Variants in OTOF observed in about 807,000 individuals in gnomAD.
OTOF encodes fer-1-like family member 2.
OTOF carries 218 observed loss-of-function variants against 236.8 expected under a neutral mutation model. The observed-to-expected ratio is 0.92, with a 90% CI of 0.82 to 1.03. OTOF has a LOEUF of 1.03. OTOF is among the 50% of genes least tolerant of loss of function. OTOF has a pLI of 0.00. For missense variants in OTOF, 2,590 were observed against 2,694.4 expected, an observed-to-expected ratio of 0.96 and a Z score of 0.86; for synonymous variants, 1,041 against 1,072.5, an observed-to-expected ratio of 0.97 and a Z score of 0.57.
chr2:26,555,027 T>G lies in OTOF; in HGVS notation c.79+3466A>C, dbSNP rs545397681. Among the ~76,000 whole-genome samples the G allele has an allele frequency of 6.4e-4, 97 of 152,332 alleles. 2 individuals carry two copies. The South Asian group carries it at 0.02, about 31-fold the overall frequency. On this transcript the variant is annotated intron_variant, in intron 1 of 46. Transcript: ENST00000272371. Reference sequence around the variant, plus strand: ...CCTTACAGTCCAGGTCCCCCAGCCTTGGTGCTCAGCACTGGACAGAAGGTT... The same window carrying G: ...CCTTACAGTCCAGGTCCCCCAGCCTGGGTGCTCAGCACTGGACAGAAGGTT...
chr2:26,545,000 C>A (rs1667296513), intron 1 of OTOF, among the ~76,000 whole-genome samples: 1 of 151,270 alleles, frequency 6.6e-6, no homozygotes, highest in Non-Finnish European at 1.5e-5. Context: ...AAGATCACAC[C>A]ACTGCACTCC....
rs763971933 is a variant in OTOF, at chr2:26,510,700, C to T, written c.509+5718G>A. 7 of 1,288,920 alleles carry T rather than the reference C, an allele frequency of 5.4e-6. 1 individual carries two copies. The Middle Eastern group carries it at 6.4e-4, about 117-fold the overall frequency. 79.8% of individuals were successfully genotyped at this position (1,288,920 alleles called of 1,614,324 possible). A position where few individuals can be genotyped will look rare whatever the true frequency, so the allele number is the denominator to read the frequency against. On this transcript the variant is annotated intron_variant, in intron 5 of 46. Coordinates refer to ENST00000272371, the MANE Select transcript of OTOF (RefSeq NM_194248.3). ...GTTGCGTCTGCCCTCGCCTGGGACA[C>T]CTACTTGTGCTCGTCATCTCTGCCT...
chr2:26,537,177 C>A (rs796759388), intron 2 of OTOF, among the ~76,000 whole-genome samples: 1 of 152,220 alleles, frequency 6.6e-6, no homozygotes. Context: ...AAAATCCAGA[C>A]TGTCTTCTGT....
intron 1 of OTOF, 128 bp from the exon 2 acceptor site, chr2:26,537,902 C>T: frequency 1.4e-6 from 1 of 737,534 alleles, no homozygotes; most frequent in Non-Finnish European, 2.4e-6. Flanking sequence ...GACCTCGTGG[C>T]TTGCTCACCT....
intron 2 of OTOF, among the ~76,000 whole-genome samples, chr2:26,534,779 G>A (rs1667029501): frequency 6.8e-6 from 1 of 146,406 alleles, no homozygotes; most frequent in South Asian, 2.2e-4. Flanking sequence ...TAGGTCTCAT[G>A]ACTCCCAGGC....
chr2:26,472,921 C>T (rs1316451759), intron 29 of OTOF, among the ~76,000 whole-genome samples: 1 of 152,210 alleles, frequency 6.6e-6, no homozygotes, highest in Non-Finnish European at 1.5e-5. Flanking sequence ...CCTCAGGCCC[C>T]CCCAGGCTGT....
Position 26,460,676 on chromosome 2 carries a change from G to A in OTOF, c.5784C>T (p.Arg1928=), listed in dbSNP as rs759807152. ...EAEKNPVGLA[R]NEPDPLEKPN... is the part of the protein sequence containing the mutation. The stretch of plus-strand genomic sequence containing the variant: ...GTTTCTCTAGGGGGTCAGGTTCATT[G>A]CGGGCCAGGCCCACTGGGTTCTTCT... Residue 1928 remains arginine (R), a synonymous_variant, in exon 45 of 47, where the codon CGC becomes CGT. Coordinates refer to ENST00000272371, the MANE Select transcript of OTOF (RefSeq NM_194248.3). The surrounding 1 kb of genome is among the most constrained non-coding windows in gnomAD (Gnocchi z 5.3). 5.0e-6 allele frequency: 8 copies of A among 1,614,104 alleles called. No homozygotes were observed. The highest frequency in any genetic ancestry group is 6.8e-6 in the Non-Finnish European group (8 of 1,179,982).
At chr2:26,512,246 G>A (rs1666409935) in intron 5 of OTOF, among the ~76,000 whole-genome samples, 1 of 152,168 alleles carries the variant, frequency 6.6e-6, no homozygotes, top group South Asian at 2.1e-4. Context: ...GGACTCAGGA[G>A]GAAAGGCTCA....
At chr2:26,509,490 C>T (rs1030213838) in intron 5 of OTOF, among the ~76,000 whole-genome samples, 3 of 152,170 alleles carry the variant, frequency 2.0e-5, no homozygotes, top group Non-Finnish European at 2.9e-5. Context: ...TTTGCTTGTG[C>T]GTAACAAATG....
chr2:26,474,448 A>C (rs1393577223), intron 26 of OTOF, 65 bp downstream of exon 26: 4 of 511,942 alleles, frequency 7.8e-6, no homozygotes, highest in East Asian at 1.5e-4. Flanking sequence ...TCCAGCCCCC[A>C]GCCCTAGGCC....
chr2:26,469,302 T>C (rs1307713187), intron 32 of OTOF, among the ~76,000 whole-genome samples: 1 of 152,224 alleles, frequency 6.6e-6, no homozygotes, highest in Non-Finnish European at 1.5e-5. Context: ...TGGCAGTCTG[T>C]GAAAATTGCA....
intron 7 of OTOF, among the ~76,000 whole-genome samples, chr2:26,502,066 T>A (rs1666126846): frequency 6.6e-6 from 1 of 152,184 alleles, no homozygotes; most frequent in African/African-American, 2.4e-5. Context: ...TGTGGCTTCC[T>A]TGGGCTGGGA....
chr2:26,478,943 C>A (rs181439192), intron 18 of OTOF, among the ~76,000 whole-genome samples: 11 of 152,354 alleles, frequency 7.2e-5, no homozygotes, highest in African/African-American at 2.6e-4. Flanking sequence ...AGGTGATCCA[C>A]CTGCCTTGGC....
At chr2:26,506,186 T>C (rs556674107) in intron 5 of OTOF, among the ~76,000 whole-genome samples, 3 of 152,326 alleles carry the variant, frequency 2.0e-5, no homozygotes, top group Admixed American at 1.3e-4. Context: ...ACTTCCTGTC[T>C]CAGTGCTTGG....
intron 5 of OTOF, among the ~76,000 whole-genome samples, chr2:26,508,768 C>A (rs1022487017): frequency 2.6e-5 from 4 of 152,132 alleles, no homozygotes; most frequent in Non-Finnish European, 5.9e-5. Context: ...AGATAGATAC[C>A]AACCAGCTTT....
In OTOF at chr2:26,464,016, T is replaced by G; in HGVS notation, c.5051A>C (p.Glu1684Ala). ...IPRAGCRLVP[E>A]HVETRPLLNP... is the part of the protein sequence containing the mutation. ...GAGCAGCGGCCTCGTCTCCACATGC[T>G]CTGGCACCAGGCGGCAGCCTGCGCG... The change falls in exon 40 of 47, where the codon GAG becomes GCG. Residue 1684 changes from glutamate (E) to alanine (A), a missense_variant. Around this residue, in one of 2 missense-constraint regions of OTOF, gnomAD observed 1,211 missense variants for 1,352.8 expected, o/e 0.90. Transcript: ENST00000272371. The G allele has an allele frequency of 6.2e-7, 1 of 1,613,712 alleles. No individual in the cohort carries two copies.
intron 1 of OTOF, among the ~76,000 whole-genome samples, chr2:26,543,804 C>T (rs1052026862): frequency 6.6e-5 from 10 of 152,224 alleles, no homozygotes; most frequent in African/African-American, 2.2e-4. Flanking sequence ...GCAACCTCCA[C>T]CTCCTGGGTT....
chr2:26,554,833 T>C (rs923029415), intron 1 of OTOF, among the ~76,000 whole-genome samples: 3 of 152,148 alleles, frequency 2.0e-5, no homozygotes, highest in African/African-American at 7.2e-5. Context: ...CTGCAAACCT[T>C]TGTGCCAATT....
rs781547633 is a variant in OTOF at position 26,479,537 on chromosome 2, C to T, written c.2029G>A (p.Gly677Ser). 17 of 1,610,358 alleles carry T rather than the reference C, an allele frequency of 1.1e-5. No individual in the cohort carries two copies. Among genetic ancestry groups the T allele is most frequent in the South Asian group, 3.3e-5 (3 of 90,508 alleles). ...ACTGAGGCCAGGTCCCCGGCATCACCGGCCTCGTCATCACTTGCGTTCTGA... is the reference window on the plus strand; with the variant it reads ...ACTGAGGCCAGGTCCCCGGCATCACTGGCCTCGTCATCACTTGCGTTCTGA... ...LIQNASDDEA[G>S]DAGDLASVSS... The change falls in exon 17 of 47, where the codon GGT (glycine) becomes AGT (serine). Residue 677 changes from glycine (G) to serine (S), a missense_variant. Gly to Ser is a moderately conservative substitution (Grantham distance 56). Around this residue, in one of 2 missense-constraint regions of OTOF, gnomAD observed 1,379 missense variants for 1,341.6 expected, o/e 1.03. Coordinates refer to ENST00000272371, the MANE Select transcript of OTOF (RefSeq NM_194248.3).
Sources: gnomAD v4.1 joint callset for allele counts (sites outside exome capture counted in the v4.1 genomes callset) on GRCh38, gnomAD v4.1.1 for gene constraint, gnomAD v4.1.1 regional missense constraint, Gnocchi (gnomAD v3.1) non-coding constraint, MANE v1.5 for transcripts, NCBI Gene and HGNC (gene_info 2026-07-23, HGNC 2026-07-21) for gene names.